CFAP299: variants seen among roughly 807,000 people sequenced by gnomAD.
CFAP299 encodes cilia and flagella associated protein 299.
In CFAP299, 21 loss-of-function variants were observed where a neutral mutation model predicts 27.0. The observed-to-expected ratio is 0.78, with a 90% CI of 0.55 to 1.12. CFAP299 has a LOEUF of 1.12. CFAP299 is among the 50% of genes most tolerant of loss of function. CFAP299 has a pLI of 0.00. For synonymous variants in CFAP299, 104 were observed against 98.1 expected, an observed-to-expected ratio of 1.06 and a Z score of -0.36; for missense variants, 310 against 276.6, an observed-to-expected ratio of 1.12 and a Z score of -0.86.
chr4:80,917,527 CCTCACATAAAATGTTG>C (rs770289470), intron 4 of CFAP299, among the ~76,000 whole-genome samples: 48 of 152,164 alleles, frequency 3.2e-4, no homozygotes, highest in Non-Finnish European at 5.3e-4. Context: ...GTATTGGAAG[CCTCACATAAAATGTTG>C]TGTTTGAGGG....
chr4:80,344,773 C>T (rs1256068127), intron 1 of CFAP299, among the ~76,000 whole-genome samples: 1 of 152,114 alleles, frequency 6.6e-6, no homozygotes, highest in African/African-American at 2.4e-5. Flanking sequence ...TCCAGCAGTA[C>T]ATAAGAAACC....
chr4:80,963,568 G>A lies in CFAP299; in HGVS notation c.658G>A (p.Val220Ile), dbSNP rs1052325. ...AATCACTATCCTGACAGAACTCTACGTACAAGCTGTCATTTTTGACCACAT... is the reference window on the plus strand; with the variant it reads ...AATCACTATCCTGACAGAACTCTACATACAAGCTGTCATTTTTGACCACAT... The part of the protein sequence containing the change: ...TRITILTELY[V>I]QAVIFDHISR... Residue 220 changes from valine to isoleucine, a missense_variant, in exon 6 of 6, where the codon GTA (valine) becomes ATA (isoleucine). By Grantham distance (29) the Val-to-Ile change is conservative. Transcript: ENST00000358105. 1,338,673 of 1,606,296 alleles carry A rather than the reference G, an allele frequency of 0.83. 559,997 individuals carry two copies. Among genetic ancestry groups the A allele is most frequent in the East Asian group, 0.95 (42,359 of 44,676 alleles).
At chr4:80,663,820 T>C (rs1369755013) in intron 3 of CFAP299, among the ~76,000 whole-genome samples, 3 of 152,208 alleles carry the variant, frequency 2.0e-5, no homozygotes, top group Non-Finnish European at 4.4e-5. Context: ...GTTTTAATGA[T>C]TGCGATTCTA....
At chr4:80,386,812 A>G (rs2110026931) in intron 2 of CFAP299, 2 of 1,017,390 alleles carry the variant, frequency 2.0e-6, no homozygotes, top group African/African-American at 1.6e-5. Flanking sequence ...AAGGGCATTT[A>G]TATTTCTTGA....
At chr4:80,589,527 A>C (rs1736615366) in intron 3 of CFAP299, among the ~76,000 whole-genome samples, 1 of 152,222 alleles carries the variant, frequency 6.6e-6, no homozygotes. Context: ...GCAATGTTTA[A>C]AAACAAGCCA....
chr4:80,732,574 C>G (rs1467243657), intron 3 of CFAP299, among the ~76,000 whole-genome samples: 3 of 152,140 alleles, frequency 2.0e-5, no homozygotes, highest in Non-Finnish European at 4.4e-5. Flanking sequence ...GCAATTGTCT[C>G]TAATGGTCCT....
rs1738239296 is a variant in CFAP299 at position 80,615,739 on chromosome 4, G to A, written c.333+32556G>A. Reference sequence around the variant, plus strand: ...TTGATACTTTTAGCAAGATAGTTAAGAAGTAATTTATAAATTACTTCTAAA... The same window carrying A: ...TTGATACTTTTAGCAAGATAGTTAAAAAGTAATTTATAAATTACTTCTAAA... On this transcript the variant is annotated intron_variant, in intron 3 of 5. Transcript: ENST00000358105. Among the ~76,000 whole-genome samples the A allele has an allele frequency of 2.0e-5, 3 of 152,062 alleles. No homozygotes were observed. The South Asian group carries it at 6.2e-4, about 31-fold the overall frequency.
chr4:80,902,410 A>C (rs188369978), intron 4 of CFAP299, among the ~76,000 whole-genome samples: 2 of 146,520 alleles, frequency 1.4e-5, no homozygotes, highest in African/African-American at 4.9e-5. Flanking sequence ...ACTTTATATA[A>C]ATATATAATA....
At chr4:80,552,309 A>G (rs1323511629) in intron 2 of CFAP299, among the ~76,000 whole-genome samples, 2 of 152,212 alleles carry the variant, frequency 1.3e-5, no homozygotes, top group South Asian at 4.1e-4. Context: ...GAAATTGTAA[A>G]TAGATCATAT....
intron 4 of CFAP299, among the ~76,000 whole-genome samples, chr4:80,926,543 C>T (rs912054029): frequency 1.1e-4 from 17 of 151,818 alleles, no homozygotes; most frequent in African/African-American, 3.1e-4. Flanking sequence ...ATCTGTAAGA[C>T]GTGATGAAAG....
intron 3 of CFAP299, among the ~76,000 whole-genome samples, chr4:80,805,379 A>AT (rs1411331866): frequency 6.6e-6 from 1 of 152,136 alleles, no homozygotes; most frequent in African/African-American, 2.4e-5. Context: ...ATAAATAGGT[A>AT]TTTTTTCCAC....
chr4:80,445,074 T>C (rs1578451048), intron 2 of CFAP299, among the ~76,000 whole-genome samples: 1 of 152,232 alleles, frequency 6.6e-6, no homozygotes. Flanking sequence ...ATATTGTTGG[T>C]GGGAGTGTAA....
intron 3 of CFAP299, among the ~76,000 whole-genome samples, chr4:80,813,210 G>A (rs1043740472): frequency 6.6e-6 from 1 of 151,808 alleles, no homozygotes; most frequent in South Asian, 2.1e-4. Flanking sequence ...ACACATATTT[G>A]CACAGAGAAA....
chr4:80,525,172 G>A lies in CFAP299; in HGVS notation c.243-57921G>A, dbSNP rs1219943716. 3.3e-5 allele frequency among the ~76,000 whole-genome samples: 5 copies of A among 152,200 alleles called. No individual in the cohort carries two copies. In the East Asian group the frequency reaches 9.7e-4, roughly 29 times the overall value. ...AGAATCTCATATCACATAATGTCAT[G>A]AAGGGCGTGACATCCCATTACCTTT... On this transcript the variant is annotated intron_variant, in intron 2 of 5. Coordinates refer to ENST00000358105, the MANE Select transcript of CFAP299 (RefSeq NM_152770.3).
At chr4:80,488,134 CTG>C (rs966700670) in intron 2 of CFAP299, among the ~76,000 whole-genome samples, 2 of 152,154 alleles carry the variant, frequency 1.3e-5, no homozygotes, top group African/African-American at 4.8e-5. Context: ...ACAAATTAAT[CTG>C]TGATGAGATC....
chr4:80,764,253 C>T (rs1195451481), intron 3 of CFAP299, among the ~76,000 whole-genome samples: 1 of 151,482 alleles, frequency 6.6e-6, no homozygotes, highest in East Asian at 2.0e-4. Context: ...AACAAATTTA[C>T]AAGAAAAAAC....
At chr4:80,329,043 C>T in the CFAP299 span, among the ~76,000 whole-genome samples, 4 of 151,970 alleles carry the variant, frequency 2.6e-5, no homozygotes, top group African/African-American at 9.7e-5. Flanking sequence ...AATATACATT[C>T]ATAGGCTTTC....
intron 2 of CFAP299, among the ~76,000 whole-genome samples, chr4:80,409,037 CAAAAAAA>C (rs777242776): frequency 1.5e-5 from 1 of 67,444 alleles, no homozygotes; most frequent in East Asian, 3.3e-4. Context: ...GAGACTCTTT[CAAAAAAA>C]AAAAAAAAAG....
At chr4:80,364,089 A>AACACACACACCCACACCCACACAC (rs371907109) in intron 2 of CFAP299, among the ~76,000 whole-genome samples, 18 of 110,878 alleles carry the variant, frequency 1.6e-4, no homozygotes, top group African/African-American at 6.9e-4. Context: ...TCCGTCTCAA[A>AACACACACACCCACACCCACACAC]ACACACACAC....
Sources: allele counts gnomAD v4.1 joint callset (sites outside exome capture counted in the v4.1 genomes callset), GRCh38; gene constraint gnomAD v4.1.1; transcripts MANE v1.5; gene names NCBI Gene and HGNC (gene_info 2026-07-23, HGNC 2026-07-21).